Variants in STARD8 observed in about 807,000 individuals in gnomAD.
STARD8 encodes the protein StAR related lipid transfer domain containing 8.
STARD8 carries 25 observed loss-of-function variants against 69.4 expected under a neutral mutation model. That is an observed-to-expected ratio of 0.36 (90% CI 0.26 to 0.50). STARD8 has a LOEUF of 0.50. Ranked by LOEUF, STARD8 falls within the 20% of genes least tolerant of loss-of-function variation. The pLI is 0.96. For missense variants in STARD8, 921 were observed against 932.5 expected, an observed-to-expected ratio of 0.99 and a Z score of 0.16; for synonymous variants, 389 against 374.6, an observed-to-expected ratio of 1.04 and a Z score of -0.45.
intron 2 of STARD8, among the ~76,000 whole-genome samples, chrX:68,692,980 A>C (rs779489996): frequency 1.8e-5 from 2 of 113,282 alleles, no homozygotes; most frequent in East Asian, 5.6e-4. Context: ...AAGGCCAGAG[A>C]GAAATCAAAG....
At chrX:68,717,106 G>T in intron 5 of STARD8, 106 bp from the exon 6 acceptor site, 2 of 1,059,787 alleles carry the variant, frequency 1.9e-6, no homozygotes, top group Non-Finnish European at 2.4e-6. Flanking sequence ...AGAAAGCAGG[G>T]CCCTTCACCT....
intron 1 of STARD8, among the ~76,000 whole-genome samples, chrX:68,657,296 G>T (rs899908839): frequency 7.2e-5 from 8 of 111,750 alleles, no homozygotes; most frequent in African/African-American, 2.6e-4. Context: ...GTGTGTGTGT[G>T]GGGGAGTTTC....
At chrX:68,671,409 C>G (rs1379809134) in intron 2 of STARD8, among the ~76,000 whole-genome samples, 1 of 112,586 alleles carries the variant, frequency 8.9e-6, no homozygotes, top group African/African-American at 3.2e-5. Flanking sequence ...TCTTTCCTGT[C>G]TCTCCCATAG....
rs922322178 is a variant in STARD8 at position 68,720,626 on chromosome X, C to A, written c.2049+203C>A. Reference sequence around the variant, plus strand: ...TCTACTCCTTATGCCCAGCTCTGTGCTACCTTCTTTCTGGCCCAGGCTCTG... The same window carrying A: ...TCTACTCCTTATGCCCAGCTCTGTGATACCTTCTTTCTGGCCCAGGCTCTG... On this transcript the variant is annotated intron_variant, in intron 8 of 14. Transcript: ENST00000374599. 2.6e-5 allele frequency among the ~76,000 whole-genome samples: 3 copies of A among 113,232 alleles called. No homozygotes were observed. In the East Asian group the frequency reaches 8.4e-4, roughly 32 times the overall value.
At chrX:68,666,916 C>A (rs886927475) in intron 2 of STARD8, among the ~76,000 whole-genome samples, 1 of 111,628 alleles carries the variant, frequency 9.0e-6, no homozygotes, top group Admixed American at 9.5e-5. Context: ...TAAAAGAAAC[C>A]CCTCAGGCCC....
chrX:68,650,261 TA>T (rs1229987086), intron 1 of STARD8, among the ~76,000 whole-genome samples: 7 of 104,860 alleles, frequency 6.7e-5, no homozygotes, highest in Non-Finnish European at 1.2e-4. Context: ...TTATGAAAAA[TA>T]AAAAAAATTT....
intron 1 of STARD8, among the ~76,000 whole-genome samples, chrX:68,663,438 TA>T (rs1203110753): frequency 1.8e-5 from 2 of 112,295 alleles, no homozygotes; most frequent in Admixed American, 1.9e-4. Flanking sequence ...ATGAAGATAA[TA>T]AAATCTACCA....
At chrX:68,670,669 G>A (rs1406320373) in intron 2 of STARD8, among the ~76,000 whole-genome samples, 1 of 111,080 alleles carries the variant, frequency 9.0e-6, no homozygotes, top group Non-Finnish European at 1.9e-5. Flanking sequence ...AAAAGGACCT[G>A]GGAAGTGCTA....
At chrX:68,651,270 G>A (rs1193547738) in intron 1 of STARD8, among the ~76,000 whole-genome samples, 1 of 112,973 alleles carries the variant, frequency 8.9e-6, no homozygotes, top group Non-Finnish European at 1.9e-5. Context: ...CCACGTGCAT[G>A]CACATGCATA....
intron 1 of STARD8, 62 bp downstream of exon 1, chrX:68,647,989 C>A: frequency 8.8e-7 from 1 of 1,136,392 alleles, no homozygotes; most frequent in South Asian, 2.0e-5. Context: ...CAGATGTGGA[C>A]CACTGCGCAC....
chrX:68,653,062 CCA>C (rs2079570426), intron 1 of STARD8, among the ~76,000 whole-genome samples: 4 of 10,891 alleles, frequency 3.7e-4, no homozygotes, highest in Admixed American at 1.5e-3. Context: ...ACCACACACA[CCA>C]CACACCACAC....
intron 2 of STARD8, among the ~76,000 whole-genome samples, chrX:68,707,179 GGA>G (rs768141057): frequency 1.9e-4 from 21 of 112,939 alleles, no homozygotes; most frequent in Non-Finnish European, 3.7e-4. Context: ...GGGCCACGGA[GGA>G]GATGCTTTTC....
intron 1 of STARD8, 99 bp from the exon 2 acceptor site, chrX:68,665,400 T>C: frequency 1.1e-6 from 1 of 938,168 alleles, no homozygotes; most frequent in South Asian, 2.2e-5. Context: ...TTCTGTAAAA[T>C]GGGTAATGGG....
At chrX:68,667,517 C>A (rs1386916980) in intron 2 of STARD8, among the ~76,000 whole-genome samples, 2 of 111,943 alleles carry the variant, frequency 1.8e-5, no homozygotes, top group Non-Finnish European at 3.8e-5. Context: ...ATAGGTAATA[C>A]CTTCACAGGT....
At chrX:68,703,038 G>C (rs760472693) in intron 2 of STARD8, among the ~76,000 whole-genome samples, 4 of 111,599 alleles carry the variant, frequency 3.6e-5, no homozygotes, top group Non-Finnish European at 5.6e-5. Context: ...GATTGCCTGA[G>C]CCAAGGAGTT....
At chrX:68,685,613 C>T (rs2079826782) in intron 2 of STARD8, among the ~76,000 whole-genome samples, 1 of 112,619 alleles carries the variant, frequency 8.9e-6, no homozygotes, top group South Asian at 3.6e-4. Flanking sequence ...GTCTATACTC[C>T]GTGCCAGGCA....
At chrX:68,698,980 G>C (rs946065765) in intron 2 of STARD8, among the ~76,000 whole-genome samples, 1 of 111,980 alleles carries the variant, frequency 8.9e-6, no homozygotes, top group Admixed American at 9.4e-5. Context: ...GGGTCAGTTG[G>C]AGCTGGCCAA....
chrX:68,716,559 C>T (rs1426043537), intron 5 of STARD8, 128 bp downstream of exon 5: 1 of 614,386 alleles, frequency 1.6e-6, no homozygotes, highest in Non-Finnish European at 2.5e-6. Flanking sequence ...AGTGCCTTTC[C>T]CCAGCTAGGG....
intron 2 of STARD8, among the ~76,000 whole-genome samples, chrX:68,689,693 C>A (rs777877649): frequency 8.9e-6 from 1 of 112,208 alleles, no homozygotes; most frequent in South Asian, 3.7e-4. Context: ...CAGAGTCCCT[C>A]ACTGCCAGCC....
Sources: allele counts gnomAD v4.1 joint callset (sites outside exome capture counted in the v4.1 genomes callset), GRCh38; gene constraint gnomAD v4.1.1; transcripts MANE v1.5; gene names NCBI Gene and HGNC (gene_info 2026-07-23, HGNC 2026-07-21).